Variants in EPHB1 observed in about 807,000 individuals in gnomAD.
EPHB1 encodes EPH receptor B1.
Under a neutral mutation model 94.4 loss-of-function variants are expected in EPHB1, and 30 were observed. That is an observed-to-expected ratio of 0.32 (90% CI 0.24 to 0.43). The LOEUF (loss-of-function observed/expected upper bound fraction) is 0.43. Among genes scored for constraint, EPHB1 ranks in the 20% least tolerant of loss-of-function variants. The probability of loss-of-function intolerance (pLI) is 1.00; values close to 1 mark genes in which losing one functional copy is unlikely to be tolerated. For missense variants in EPHB1, 1,055 were observed against 1,308.3 expected, an observed-to-expected ratio of 0.81 and a Z score of 2.99; for synonymous variants, 522 against 489.1, an observed-to-expected ratio of 1.07 and a Z score of -0.89.
At chr3:135,171,315 C>T (rs1941795490) in intron 9 of EPHB1, among the ~76,000 whole-genome samples, 1 of 152,206 alleles carries the variant, frequency 6.6e-6, no homozygotes, top group African/African-American at 2.4e-5. Context: ...GGATACTGAG[C>T]TTGTCTTCCT....
At chr3:135,075,668 C>T (rs184091510) in intron 3 of EPHB1, among the ~76,000 whole-genome samples, 15 of 152,238 alleles carry the variant, frequency 9.9e-5, no homozygotes, top group South Asian at 2.1e-4. Context: ...CTTCTCAGTC[C>T]CTAGGTGGTA....
intron 12 of EPHB1, among the ~76,000 whole-genome samples, chr3:135,213,423 T>C (rs192588554): frequency 6.6e-6 from 1 of 152,260 alleles, no homozygotes; most frequent in Admixed American, 6.5e-5. Context: ...AATGTCGTTA[T>C]GTGTGTTCAA....
chr3:135,248,192 A>G, intron 13 of EPHB1, 124 bp from the exon 14 acceptor site: 1 of 877,848 alleles, frequency 1.1e-6, no homozygotes, highest in Non-Finnish European at 1.7e-6. Context: ...GAAGGTGTGC[A>G]AGCACAGAGC....
At chr3:134,835,595 A>T (rs147002046) in intron 1 of EPHB1, among the ~76,000 whole-genome samples, 8 of 152,342 alleles carry the variant, frequency 5.3e-5, no homozygotes, top group East Asian at 3.9e-4. Context: ...TTAAAAAAGC[A>T]GGAGCCAAGA....
intron 3 of EPHB1, among the ~76,000 whole-genome samples, chr3:134,988,442 C>T (rs978514079): frequency 1.3e-5 from 2 of 152,056 alleles, no homozygotes; most frequent in Non-Finnish European, 2.9e-5. Flanking sequence ...GAGCAGTTAG[C>T]CTAATCAAAT....
At chr3:135,099,803 T>G (rs9840666) in intron 3 of EPHB1, among the ~76,000 whole-genome samples, 86,943 of 152,052 alleles carry the variant, frequency 0.57, 25,014 homozygotes, top group East Asian at 0.76. Context: ...CTTAGCAGCT[T>G]CTGAGAGAGG....
chr3:134,979,266 T>C (rs1307328806), intron 3 of EPHB1, among the ~76,000 whole-genome samples: 1 of 152,218 alleles, frequency 6.6e-6, no homozygotes, highest in Non-Finnish European at 1.5e-5. Flanking sequence ...TGTATAATTC[T>C]TAAACTTTGG....
chr3:135,006,013 A>G (rs1935396725), intron 3 of EPHB1, among the ~76,000 whole-genome samples: 1 of 152,098 alleles, frequency 6.6e-6, no homozygotes, highest in African/African-American at 2.4e-5. Flanking sequence ...GGCATCTGGT[A>G]TTTCTCCTGC....
chr3:135,045,216 T>C (rs988935348), intron 3 of EPHB1, among the ~76,000 whole-genome samples: 8 of 152,250 alleles, frequency 5.3e-5, no homozygotes, highest in Middle Eastern at 3.4e-3. Flanking sequence ...AGTATTGCAA[T>C]GACACCAAAA....
intron 14 of EPHB1, 100 bp downstream of exon 14, chr3:135,248,609 A>C: frequency 7.9e-7 from 1 of 1,260,668 alleles, no homozygotes; most frequent in Non-Finnish European, 1.1e-6. Context: ...TTTTTTAAAG[A>C]GTATCTAGTT....
Position 135,163,032 on chromosome 3 carries a change from TC to T in EPHB1, c.1585+856del, listed in dbSNP as rs1470695166. On this transcript the variant is annotated intron_variant, in intron 7 of 15. Transcript: ENST00000398015. ...TTCCAAATGTCAGTCTATTCCTGAC[TC>T]CCCAAATTGAAAGCTTTCCATTTTT... Among the ~76,000 whole-genome samples the T allele has an allele frequency of 9.2e-5, 14 of 152,350 alleles. 1 individual carries two copies. Among genetic ancestry groups the T allele is most frequent in the African/African-American group, 3.4e-4 (14 of 41,580 alleles).
At chr3:135,038,438 G>C (rs1010522018) in intron 3 of EPHB1, among the ~76,000 whole-genome samples, 1 of 152,200 alleles carries the variant, frequency 6.6e-6, no homozygotes, top group African/African-American at 2.4e-5. Context: ...GGAGTACATA[G>C]AGAATCCCTG....
At chr3:134,860,152 C>CACACACACACACACAG (rs61458461) in intron 1 of EPHB1, among the ~76,000 whole-genome samples, 24,707 of 78,182 alleles carry the variant, frequency 0.32, 2,371 homozygotes, top group Middle Eastern at 0.4. Flanking sequence ...AAGGAAGGGA[C>CACACACACACACACAG]ACACACACAC....
chr3:134,870,772 C>G (rs1205551799), intron 1 of EPHB1, among the ~76,000 whole-genome samples: 1 of 152,218 alleles, frequency 6.6e-6, no homozygotes, highest in Non-Finnish European at 1.5e-5. Flanking sequence ...AAACGAAATG[C>G]GAATCACCAA....
At chr3:135,075,884 T>C (rs1937893734) in intron 3 of EPHB1, among the ~76,000 whole-genome samples, 1 of 152,174 alleles carries the variant, frequency 6.6e-6, no homozygotes, top group Non-Finnish European at 1.5e-5. Flanking sequence ...GTAGGTAACG[T>C]TAGCCCTTTC....
chr3:135,082,657 T>G (rs749956079), intron 3 of EPHB1, among the ~76,000 whole-genome samples: 4 of 152,140 alleles, frequency 2.6e-5, no homozygotes, highest in Non-Finnish European at 5.9e-5. Context: ...AGGACACATT[T>G]CAGGTTTAGA....
intron 3 of EPHB1, among the ~76,000 whole-genome samples, chr3:135,001,723 C>T (rs1465900762): frequency 2.0e-5 from 3 of 152,106 alleles, no homozygotes; most frequent in Non-Finnish European, 2.9e-5. Flanking sequence ...TTCTTGCCTC[C>T]TCTATGTTAT....
intron 4 of EPHB1, among the ~76,000 whole-genome samples, chr3:135,108,490 G>A (rs1318318408): frequency 1.3e-5 from 2 of 152,100 alleles, no homozygotes; most frequent in African/African-American, 4.8e-5. Context: ...GAGACCCAGG[G>A]ACCCCTCCAC....
chr3:135,251,209 A>G (rs1933075184), intron 15 of EPHB1, among the ~76,000 whole-genome samples: 1 of 152,212 alleles, frequency 6.6e-6, no homozygotes, highest in African/African-American at 2.4e-5. Flanking sequence ...TTCCATTAAG[A>G]ATGACTGTCA....
Sources: gnomAD v4.1 joint callset for allele counts (sites outside exome capture counted in the v4.1 genomes callset) on GRCh38, gnomAD v4.1.1 for gene constraint, MANE v1.5 for transcripts, NCBI Gene and HGNC (gene_info 2026-07-23, HGNC 2026-07-21) for gene names.